The following SLC22A25 variants were observed in gnomAD, a reference collection of about 807,000 sequenced individuals.
SLC22A25 encodes solute carrier family 22 member 25, also known as MGI:2442751, MGI:2385316, MGI:3042283, MGI:3645714, MGI:3605624, MGI:2442750.
A neutral mutation model predicts 45.9 loss-of-function variants in SLC22A25; 44 were observed. The ratio of observed to expected loss-of-function variants is 0.96; its 90% CI spans 0.75 to 1.23. SLC22A25 has a LOEUF of 1.23. Among genes scored for constraint, SLC22A25 ranks in the 50% most tolerant of loss-of-function variants. The pLI is 0.00. For missense variants in SLC22A25, 800 were observed against 666.4 expected (o/e 1.20, Z -2.21); for synonymous variants, 283 against 238.6 (o/e 1.19, Z -1.72).
chr11:63,228,325 C>T, intron 5 of SLC22A25, 136 bp downstream of exon 5: 1 of 636,378 alleles, frequency 1.6e-6, no homozygotes, highest in Non-Finnish European at 2.7e-6. Context: ...CCATAATTTT[C>T]CTTTTGTGTC....
In SLC22A25 at chr11:63,238,020, A is replaced by G. The variant is rs1305387269; in HGVS notation, c.-576-8T>C. On this transcript the variant is annotated splice_region_variant and splice_polypyrimidine_tract_variant and intron_variant, in intron 2 of 11. Transcript: ENST00000306494. Reference sequence around the variant, plus strand: ...TCCACATACCAGGTCCCACTAGAAGAAATAAAAACCAGCATCGTAGAGTTT... The same window carrying G: ...TCCACATACCAGGTCCCACTAGAAGGAATAAAAACCAGCATCGTAGAGTTT... 1 of 152,324 alleles carries G rather than the reference A, an allele frequency of 6.6e-6. No homozygotes were observed. Among genetic ancestry groups the G allele is most frequent in the Non-Finnish European group, 1.5e-5 (1 of 68,052 alleles). The allele number at this position is 152,324 out of a possible 1,614,324, so 9.4% of individuals were successfully genotyped here.
At chr11:63,194,271 C>T (rs960133100) in intron 7 of SLC22A25, among the ~76,000 whole-genome samples, 1 of 152,088 alleles carries the variant, frequency 6.6e-6, no homozygotes, top group Non-Finnish European at 1.5e-5. Flanking sequence ...CTTCCCCAAC[C>T]TAGCAAAGCA....
rs1373306670 is a variant in SLC22A25 at position 63,158,531 on chromosome 11, T to G, written c.*5293A>C. Among the ~76,000 whole-genome samples, 3 of 152,196 alleles carry G rather than the reference T, an allele frequency of 2.0e-5. No homozygotes were observed. In the East Asian group the frequency reaches 5.8e-4, roughly 29 times the overall value. ...GAGATGTTCTGATATAGGTATGCAA[T>G]GTGTAATTATCTTGTCATGGAGAAT... On this transcript the variant is annotated 3_prime_UTR_variant, in exon 12 of 12. Coordinates refer to ENST00000306494, the MANE Select transcript of SLC22A25 (RefSeq NM_199352.6).
chr11:63,186,862 T>C (rs111415084), intron 7 of SLC22A25, among the ~76,000 whole-genome samples: 3 of 152,106 alleles, frequency 2.0e-5, no homozygotes, highest in African/African-American at 7.2e-5. Flanking sequence ...TGTAGATATG[T>C]GGCATTATTT....
At chr11:63,189,773 G>A (rs2088723269) in intron 7 of SLC22A25, among the ~76,000 whole-genome samples, 1 of 152,172 alleles carries the variant, frequency 6.6e-6, no homozygotes, top group Non-Finnish European at 1.5e-5. Flanking sequence ...TTGCTTGTGT[G>A]TAAAGGATTT....
Position 63,196,292 on chromosome 11 carries a change from C to T in SLC22A25, c.831-12475G>A, listed in dbSNP as rs142542097. Among the ~76,000 whole-genome samples, 321 of 152,172 alleles carry T rather than the reference C, an allele frequency of 2.1e-3. 2 individuals carry two copies. Among genetic ancestry groups the T allele is most frequent in the African/African-American group, 6.8e-3 (282 of 41,512 alleles). ...TCCTGATACCAAAGCCTGGCAGAGA[C>T]ACAACAACAAAAAAAAGAATTTTAG... On this transcript the variant is annotated intron_variant, in intron 7 of 11. Coordinates refer to ENST00000306494, the MANE Select transcript of SLC22A25 (RefSeq NM_199352.6).
In SLC22A25 at chr11:63,161,366, G is replaced by A. The variant is rs969980800; in HGVS notation, c.*2458C>T. ...TAAAACTTTGGGGGACTGTTGGGAA[G>A]GCATGATTAGTTTTGAAATGTGAGG... On this transcript the variant is annotated 3_prime_UTR_variant, in exon 12 of 12. Transcript: ENST00000306494. Among the ~76,000 whole-genome samples, 3 of 152,154 alleles carry A rather than the reference G, an allele frequency of 2.0e-5. No individual in the cohort carries two copies. Among genetic ancestry groups the A allele is most frequent in the African/African-American group, 7.2e-5 (3 of 41,426 alleles).
chr11:63,195,883 A>G (rs2089008296), intron 7 of SLC22A25, among the ~76,000 whole-genome samples: 1 of 152,208 alleles, frequency 6.6e-6, no homozygotes, highest in Non-Finnish European at 1.5e-5. Flanking sequence ...AAAAGAGAGA[A>G]GAATCAAATA....
At chr11:63,223,235 A>G (rs2089890432) in intron 5 of SLC22A25, among the ~76,000 whole-genome samples, 1 of 152,182 alleles carries the variant, frequency 6.6e-6, no homozygotes, top group Non-Finnish European at 1.5e-5. Context: ...AGAATTCAGC[A>G]GTGAAGTCAT....
intron 7 of SLC22A25, among the ~76,000 whole-genome samples, chr11:63,206,103 T>C (rs2089395815): frequency 6.6e-6 from 1 of 152,168 alleles, no homozygotes; most frequent in Admixed American, 6.5e-5. Context: ...TGCTAAAAAC[T>C]CTCAATAAAC....
chr11:63,229,748 G>GC lies in SLC22A25; in HGVS notation c.-97_-96insG. 1 of 1,303,544 alleles carries GC rather than the reference G, an allele frequency of 7.7e-7. No homozygotes were observed. Among genetic ancestry groups the GC allele is most frequent in the South Asian group, 1.5e-5 (1 of 65,316 alleles). 80.7% of individuals were successfully genotyped at this position (1,303,544 alleles called of 1,614,324 possible). A position where few individuals can be genotyped will look rare whatever the true frequency, so the allele number is the denominator to read the frequency against. ...TTCCTTTCCTTAAATCACACTAAGT[G>GC]TGTGTGTTGATCCTGACCCCACTCT... On this transcript the variant is annotated 5_prime_UTR_variant, in exon 4 of 12. Coordinates refer to ENST00000306494, the MANE Select transcript of SLC22A25 (RefSeq NM_199352.6).
In SLC22A25 at chr11:63,159,165, A is replaced by C. The variant is rs1340950653; in HGVS notation, c.*4659T>G. The stretch of plus-strand genomic sequence containing the variant: ...TCTTTATCAATTCATCTGCTGATGG[A>C]CACTTAGGTTGCTTCCAAACCTTGG... On this transcript the variant is annotated 3_prime_UTR_variant, in exon 12 of 12. Transcript: ENST00000306494. Among the ~76,000 whole-genome samples the C allele has an allele frequency of 6.6e-6, 1 of 152,122 alleles. No individual in the cohort carries two copies. Among genetic ancestry groups the C allele is most frequent in the Admixed American group, 6.5e-5 (1 of 15,270 alleles).
At chr11:63,224,161 T>A (rs1333635929) in intron 5 of SLC22A25, among the ~76,000 whole-genome samples, 1 of 152,146 alleles carries the variant, frequency 6.6e-6, no homozygotes, top group Non-Finnish European at 1.5e-5. Context: ...ATATTTATAA[T>A]TTTTATATCC....
At chr11:63,234,969 C>A (rs1034700208) in intron 3 of SLC22A25, among the ~76,000 whole-genome samples, 13 of 152,158 alleles carry the variant, frequency 8.5e-5, no homozygotes, top group African/African-American at 2.9e-4. Flanking sequence ...ATTGGCCCCC[C>A]CTCTCTTCTG....
At chr11:63,208,511 A>G (rs1329773166) in intron 7 of SLC22A25, among the ~76,000 whole-genome samples, 1 of 152,120 alleles carries the variant, frequency 6.6e-6, no homozygotes, top group African/African-American at 2.4e-5. Context: ...CCTACCCGGG[A>G]CACGAGAGAG....
At chr11:63,225,887 C>G (rs530755465) in intron 5 of SLC22A25, among the ~76,000 whole-genome samples, 60 of 152,090 alleles carry the variant, frequency 3.9e-4, no homozygotes, top group African/African-American at 1.4e-3. Context: ...CTCACTAATT[C>G]TTTCTTCTGC....
chr11:63,173,977 GTGCCATGGTGGTT>G lies in SLC22A25; in HGVS notation c.1070+6670_1070+6682del, dbSNP rs559181588. Among the ~76,000 whole-genome samples, 5 of 150,082 alleles carry G rather than the reference GTGCCATGGTGGTT, an allele frequency of 3.3e-5. No homozygotes were observed. In the East Asian group the frequency reaches 9.9e-4, roughly 30 times the overall value. The stretch of plus-strand genomic sequence containing the variant: ...GCCTTTTTGTTACATAGGTATACAA[GTGCCATGGTGGTT>G]TGCTGCACCCATCAACTCATCACCT... On this transcript the variant is annotated intron_variant, in intron 9 of 11. Transcript: ENST00000306494.
At chr11:63,218,001 C>T (rs1590889283) in intron 5 of SLC22A25, 1 of 605,792 alleles carries the variant, frequency 1.7e-6, no homozygotes, top group East Asian at 3.5e-5. Context: ...GTAAGACAGG[C>T]TGGGATGTTG....
Position 63,163,767 on chromosome 11 carries a change from T to C in SLC22A25, c.*57A>G. Reference sequence around the variant, plus strand: ...TGACTACATGGGAATAGCCCAGATCTAAGCCTTTTTGGGGGATGGTAGCCC... The same window carrying C: ...TGACTACATGGGAATAGCCCAGATCCAAGCCTTTTTGGGGGATGGTAGCCC... On this transcript the variant is annotated 3_prime_UTR_variant, in exon 12 of 12. Coordinates refer to ENST00000306494, the MANE Select transcript of SLC22A25 (RefSeq NM_199352.6). 2 of 1,557,158 alleles carry C rather than the reference T, an allele frequency of 1.3e-6. No homozygotes were observed. Among genetic ancestry groups the C allele is most frequent in the Non-Finnish European group, 1.7e-6 (2 of 1,154,622 alleles).
Sources: allele counts gnomAD v4.1 joint callset (sites outside exome capture counted in the v4.1 genomes callset), GRCh38; gene constraint gnomAD v4.1.1; transcripts MANE v1.5; gene names NCBI Gene and HGNC (gene_info 2026-07-23, HGNC 2026-07-21).